MSRA: variants seen among roughly 807,000 people sequenced by gnomAD.
The protein encoded by MSRA is methionine sulfoxide reductase A, also known as mitochondrial peptide methionine sulfoxide reductase.
In MSRA, 54 loss-of-function variants were observed where a neutral mutation model predicts 31.3. The ratio of observed to expected loss-of-function variants is 1.73; its 90% CI spans 1.39 to 2.17. The LOEUF is 2.17. Among genes scored for constraint, MSRA ranks in the 30% most tolerant of loss-of-function variants. The pLI, the probability that MSRA is intolerant of heterozygous loss-of-function variation, is 0.00. For missense variants in MSRA, 507 were observed against 300.9 expected (o/e 1.69, Z -5.07); for synonymous variants, 169 against 116.5 (o/e 1.45, Z -2.90).
At chr8:10,054,691 C>A (rs760847089) in intron 1 of MSRA, 33 bp downstream of exon 1, 1 of 1,482,156 alleles carries the variant, frequency 6.7e-7, no homozygotes, top group Non-Finnish European at 9.0e-7. Flanking sequence ...GCGCGGGCGG[C>A]GACGCTGCGC....
chr8:10,374,425 C>T (rs1805645170), intron 5 of MSRA, among the ~76,000 whole-genome samples: 1 of 152,088 alleles, frequency 6.6e-6, no homozygotes, highest in African/African-American at 2.4e-5. Context: ...AGGCTAGATC[C>T]TAGGCTGGGT....
intron 1 of MSRA, among the ~76,000 whole-genome samples, chr8:10,158,502 C>G (rs1447226347): frequency 6.6e-6 from 1 of 152,190 alleles, no homozygotes; most frequent in Non-Finnish European, 1.5e-5. Context: ...CTTTCACTAG[C>G]ATAAGTTTTC....
intron 5 of MSRA, chr8:10,337,850 A>C (rs561615959): frequency 2.0e-5 from 14 of 701,728 alleles, no homozygotes; most frequent in African/African-American, 1.4e-4. Flanking sequence ...CTTTCTGCTA[A>C]ATCAGTTTGT....
intron 1 of MSRA, among the ~76,000 whole-genome samples, chr8:10,066,595 G>A (rs190274885): frequency 1.3e-5 from 2 of 152,150 alleles, no homozygotes; most frequent in South Asian, 4.2e-4. Flanking sequence ...GTGCAATGGC[G>A]CGATCTCTGC....
chr8:10,406,958 GCCTCAGC>G (rs1476079345), intron 5 of MSRA, among the ~76,000 whole-genome samples: 1 of 152,174 alleles, frequency 6.6e-6, no homozygotes, highest in Non-Finnish European at 1.5e-5. Context: ...GCTCCCTGTG[GCCTCAGC>G]CTTCTGGGCT....
chr8:10,169,518 G>C (rs528794427), intron 1 of MSRA, among the ~76,000 whole-genome samples: 5 of 152,266 alleles, frequency 3.3e-5, no homozygotes, highest in African/African-American at 4.8e-5. Flanking sequence ...ATCAAACTTC[G>C]TGAAGAAAAC....
chr8:10,317,598 A>G (rs1277032213), intron 4 of MSRA, among the ~76,000 whole-genome samples: 1 of 152,196 alleles, frequency 6.6e-6, no homozygotes, highest in Non-Finnish European at 1.5e-5. Flanking sequence ...CCCAGTCCTC[A>G]TTAATCAGTT....
intron 1 of MSRA, among the ~76,000 whole-genome samples, chr8:10,061,754 T>C (rs1454119467): frequency 6.6e-6 from 1 of 152,214 alleles, no homozygotes; most frequent in Non-Finnish European, 1.5e-5. Flanking sequence ...CCATGGGGCA[T>C]GTTCCGAGTT....
chr8:10,331,950 C>T (rs191162822), intron 5 of MSRA, among the ~76,000 whole-genome samples: 35 of 152,188 alleles, frequency 2.3e-4, no homozygotes, highest in East Asian at 1.7e-3. Flanking sequence ...TGCAAGGATA[C>T]GGAGGGCCGA....
chr8:10,094,413 G>C (rs9329214), intron 1 of MSRA, among the ~76,000 whole-genome samples: 1 of 152,130 alleles, frequency 6.6e-6, no homozygotes, highest in African/African-American at 2.4e-5. Flanking sequence ...TTTGATTGGC[G>C]GAGCACACAA....
chr8:10,198,083 G>T (rs78702241), intron 1 of MSRA, among the ~76,000 whole-genome samples: 6,830 of 152,182 alleles, frequency 0.045, 240 homozygotes, highest in South Asian at 0.11. Flanking sequence ...CCCGATAGGG[G>T]CTAACTTTCC....
intron 1 of MSRA, among the ~76,000 whole-genome samples, chr8:10,170,365 C>A (rs972955419): frequency 6.6e-6 from 1 of 152,164 alleles, no homozygotes. Flanking sequence ...AGCTGCCTTG[C>A]GCCTTCTGTG....
chr8:10,062,406 C>G (rs1346450972), intron 1 of MSRA, among the ~76,000 whole-genome samples: 1 of 152,142 alleles, frequency 6.6e-6, no homozygotes. Context: ...TCATAAACTC[C>G]AAGTTTGAGA....
intron 1 of MSRA, among the ~76,000 whole-genome samples, chr8:10,076,369 A>C (rs1797995993): frequency 6.6e-6 from 1 of 152,186 alleles, no homozygotes; most frequent in Non-Finnish European, 1.5e-5. Flanking sequence ...GCACGTGGCT[A>C]AGCTGTAGGT....
At chr8:10,081,771 A>G (rs1354357580) in intron 1 of MSRA, among the ~76,000 whole-genome samples, 1 of 152,156 alleles carries the variant, frequency 6.6e-6, no homozygotes, top group African/African-American at 2.4e-5. Flanking sequence ...AGATGGGATT[A>G]CAGGTGTGAG....
chr8:10,207,562 C>A (rs745827309), intron 1 of MSRA, among the ~76,000 whole-genome samples: 17 of 152,126 alleles, frequency 1.1e-4, no homozygotes, highest in Non-Finnish European at 2.2e-4. Flanking sequence ...CCTTCAGGCC[C>A]GGCTGGGTCT....
intron 1 of MSRA, among the ~76,000 whole-genome samples, chr8:10,196,930 A>G (rs1808045705): frequency 2.0e-5 from 3 of 152,142 alleles, no homozygotes; most frequent in African/African-American, 4.8e-5. Flanking sequence ...CTCTTTATAG[A>G]TATGTTTAAC....
intron 1 of MSRA, among the ~76,000 whole-genome samples, chr8:10,125,622 G>A (rs754109618): frequency 1.3e-5 from 2 of 152,176 alleles, no homozygotes; most frequent in East Asian, 3.9e-4. Flanking sequence ...GGTATAGCGG[G>A]AACCACTGAG....
At chr8:10,410,093 C>G (rs191090981) in intron 5 of MSRA, among the ~76,000 whole-genome samples, 125 of 152,252 alleles carry the variant, frequency 8.2e-4, no homozygotes, top group African/African-American at 2.9e-3. Context: ...TAGAGCAAGT[C>G]AAAGGAAAAA....
Sources: allele counts gnomAD v4.1 joint callset (sites outside exome capture counted in the v4.1 genomes callset), GRCh38; gene constraint gnomAD v4.1.1; transcripts MANE v1.5; gene names NCBI Gene and HGNC (gene_info 2026-07-23, HGNC 2026-07-21).